MYH7B: variants seen among roughly 807,000 people sequenced by gnomAD.
The protein encoded by MYH7B is myosin heavy chain 7B.
Under a neutral mutation model 234.5 loss-of-function variants are expected in MYH7B, and 205 were observed. The ratio of observed to expected loss-of-function variants is 0.87; its 90% CI spans 0.78 to 0.98. MYH7B has a LOEUF of 0.98. Ranked by LOEUF, MYH7B falls within the 50% of genes least tolerant of loss-of-function variation. The pLI, the probability that MYH7B is intolerant of heterozygous loss-of-function variation, is 0.00. For synonymous variants in MYH7B, 1,193 were observed against 1,105.0 expected (o/e 1.08, Z -1.58); for missense variants, 2,652 against 2,633.4 (o/e 1.01, Z -0.15).
exon 39 of MYH7B, chr20:35,000,565 C>T (rs761392001): frequency 1.3e-6 from 2 of 1,572,630 alleles, no homozygotes; most frequent in African/African-American, 1.3e-5. Context: ...GAGCGCCGGG[C>T]CTCGCTGCTG....
chr20:34,963,171 C>G (rs140255533), intron 2 of MYH7B, among the ~76,000 whole-genome samples: 2,068 of 152,334 alleles, frequency 0.014, 41 homozygotes, highest in African/African-American at 0.047. Context: ...GGAAAAAAGT[C>G]TGTACATGCT....
chr20:34,997,012 G>A, intron 30 of MYH7B, 71 bp from the exon 31 acceptor site: 1 of 1,341,092 alleles, frequency 7.5e-7, no homozygotes, highest in Non-Finnish European at 9.7e-7. Context: ...GGGACTGGGG[G>A]GCGTTATGGG....
chr20:34,991,702 C>G (rs143011123), intron 24 of MYH7B, among the ~76,000 whole-genome samples: 1 of 152,152 alleles, frequency 6.6e-6, no homozygotes, highest in African/African-American at 2.4e-5. Flanking sequence ...GCAGTGCTGC[C>G]AGCTCCTCCC....
intron 23 of MYH7B, 35 bp from the exon 24 acceptor site, chr20:34,990,969 T>G: frequency 6.3e-7 from 1 of 1,588,106 alleles, no homozygotes; most frequent in South Asian, 1.1e-5. Flanking sequence ...CGGGTGTGCC[T>G]GTTGACCTCT....
intron 4 of MYH7B, 58 bp downstream of exon 4, chr20:34,977,738 G>GGGGGGGGGGGGGGGGCCC: frequency 3.2e-6 from 1 of 317,152 alleles, no homozygotes; most frequent in Non-Finnish European, 5.9e-6. Context: ...GGGCGGGTGG[G>GGGGGGGGGGGGGGGGCCC]TGAGGGTGCC....
rs571253104 is a variant in MYH7B at position 34,971,958 on chromosome 20, G to T, written c.-221-3442G>T. ...TGGCCCAGCTGCAGCTGGTGGGGCT[G>T]CTTGGGCCCATCTTCACCCCCTACC... On this transcript the variant is annotated intron_variant, in intron 2 of 44. Coordinates refer to ENST00000262873, the Ensembl canonical transcript of MYH7B. Among the ~76,000 whole-genome samples, 15 of 152,240 alleles carry T rather than the reference G, an allele frequency of 9.9e-5. No homozygotes were observed. The South Asian group carries it at 2.5e-3, about 25-fold the overall frequency.
chr20:34,962,895 C>T (rs185245424), intron 2 of MYH7B, among the ~76,000 whole-genome samples: 102 of 152,284 alleles, frequency 6.7e-4, no homozygotes, highest in African/African-American at 2.0e-3. Flanking sequence ...GTCAGGAGTT[C>T]GAGACCAGCC....
At chr20:34,987,432 CTTTG>C (rs1446462608) in intron 16 of MYH7B, 121 bp from the exon 17 acceptor site, 16 of 1,404,200 alleles carry the variant, frequency 1.1e-5, no homozygotes, top group East Asian at 4.6e-5. Flanking sequence ...CCTCCTGAGG[CTTTG>C]TTTGCTAGCC....
Position 34,998,920 on chromosome 20 carries a change from G to A in MYH7B, c.4190+5G>A. On this transcript the variant is annotated splice_donor_5th_base_variant and intron_variant, in intron 35 of 44. Transcript: ENST00000262873. ...CGAGGAGCTGGAGGAGGCCAAGTGA[G>A]TGCTTTGCTGGCCAGGCCACTGCCA... is the stretch of plus-strand genomic sequence containing the variant. The A allele has an allele frequency of 1.2e-6, 2 of 1,610,100 alleles. No homozygotes were observed. The highest frequency in any genetic ancestry group is 1.7e-5 in the Admixed American group (1 of 59,924).
chr20:34,987,501 G>T, intron 16 of MYH7B, 56 bp from the exon 17 acceptor site: 1 of 1,490,862 alleles, frequency 6.7e-7, no homozygotes, highest in Non-Finnish European at 9.2e-7. Context: ...AGGCAGTAGA[G>T]CCCCTGAGTG....
At chr20:34,977,738 G>GGGGGGGGGGGGGGGGGGGGGGGGGCCCC in intron 4 of MYH7B, 58 bp downstream of exon 4, 1 of 317,144 alleles carries the variant, frequency 3.2e-6, no homozygotes, top group Non-Finnish European at 5.9e-6. Flanking sequence ...GGGCGGGTGG[G>GGGGGGGGGGGGGGGGGGGGGGGGGCCCC]TGAGGGTGCC....
chr20:34,982,025 C>CAA (rs1249220779), intron 9 of MYH7B: 9 of 156,542 alleles, frequency 5.7e-5, no homozygotes, highest in South Asian at 2.9e-4. Flanking sequence ...CCATCTTTAC[C>CAA]AAAAAAAAAA....
At chr20:34,972,457 C>A (rs75514248) in intron 2 of MYH7B, among the ~76,000 whole-genome samples, 1 of 152,040 alleles carries the variant, frequency 6.6e-6, no homozygotes, top group Admixed American at 6.6e-5. Context: ...ACGAAGTACA[C>A]GTACCCCATT....
intron 28 of MYH7B, 60 bp downstream of exon 28, chr20:34,995,638 G>GTGGC: frequency 6.3e-7 from 1 of 1,597,330 alleles, no homozygotes; most frequent in Non-Finnish European, 8.5e-7. Context: ...TTGGGGCCAG[G>GTGGC]TGGCTGCAGG....
chr20:34,990,203 C>G, intron 21 of MYH7B, 31 bp from the exon 22 acceptor site: 1 of 1,614,120 alleles, frequency 6.2e-7, no homozygotes. Context: ...GCGACATTCC[C>G]TGGAGTGACC....
chr20:34,996,361 G>T lies in MYH7B; in HGVS notation c.2959G>T (p.Glu987Ter). ...CCTGGCACAGGTGAAGAACCTGACGGAAGAGATGGCTGCGCTGGACGAGTC... is the reference window on the plus strand; with the variant it reads ...CCTGGCACAGGTGAAGAACCTGACGTAAGAGATGGCTGCGCTGGACGAGTC... The change falls in exon 29 of 45, where the codon GAA (glutamate) becomes TAA (stop). Residue 987 changes from glutamate to a stop codon, truncating the protein, a stop_gained. Transcript: ENST00000262873. LOFTEE classifies it high-confidence loss of function. 1 of 1,597,316 alleles carries T rather than the reference G, an allele frequency of 6.3e-7. No individual in the cohort carries two copies. The highest frequency in any genetic ancestry group is 8.5e-7 in the Non-Finnish European group (1 of 1,172,348).
rs1435532704 is a variant in MYH7B, at chr20:34,982,440, C to T, written c.528-19C>T. 1.9e-6 allele frequency: 3 copies of T among 1,612,300 alleles called. No individual in the cohort carries two copies. ...TTAGGCCAGATGGGCATTGGTGACT[C>T]ATGTTTGTGTCGTCCAAGCGGAGAG... is the stretch of plus-strand genomic sequence containing the variant. On this transcript the variant is annotated intron_variant, in intron 9 of 44. Coordinates refer to ENST00000262873, the Ensembl canonical transcript of MYH7B.
chr20:34,993,999 C>A, intron 26 of MYH7B, 147 bp from the exon 27 acceptor site: 2 of 1,080,404 alleles, frequency 1.9e-6, no homozygotes, highest in Non-Finnish European at 2.7e-6. Flanking sequence ...GACTGTGGGC[C>A]TCCCCTCACC....
At chr20:34,960,223 G>A (rs547945945) in intron 2 of MYH7B, among the ~76,000 whole-genome samples, 1 of 152,172 alleles carries the variant, frequency 6.6e-6, no homozygotes, top group East Asian at 1.9e-4. Flanking sequence ...TCCAAGTCTG[G>A]ACTGTGGGTT....
Sources: gnomAD v4.1 joint callset for allele counts (sites outside exome capture counted in the v4.1 genomes callset) on GRCh38, gnomAD v4.1.1 for gene constraint, MANE v1.5 for transcripts, NCBI Gene and HGNC (gene_info 2026-07-23, HGNC 2026-07-21) for gene names.